Variants in TAFA1 observed in about 807,000 individuals in gnomAD.
TAFA1 encodes chemokine-like protein TAFA-1.
TAFA1 carries 4 observed loss-of-function variants against 18.5 expected under a neutral mutation model. The observed-to-expected ratio is 0.22, with a 90% CI of 0.11 to 0.49. The LOEUF (loss-of-function observed/expected upper bound fraction) is 0.49. TAFA1 is among the 20% of genes least tolerant of loss of function. The pLI is 0.98. For synonymous variants in TAFA1, 56 were observed against 55.2 expected (o/e 1.01, Z -0.06); for missense variants, 147 against 169.0 (o/e 0.87, Z 0.72).
intron 3 of TAFA1, among the ~76,000 whole-genome samples, chr3:68,459,220 T>C (rs1166620804): frequency 1.3e-5 from 2 of 152,176 alleles, no homozygotes; most frequent in Non-Finnish European, 2.9e-5. Flanking sequence ...GAGTGTCTTG[T>C]CCTGAGAGGG....
rs115678855 is a variant in TAFA1, at chr3:68,481,603, C to G, written c.260-57153C>G. ...CAGCTTGCTTAACATTACTGAAACT[C>G]TTTCTTTATCTCTAAAATTAGACTA... On this transcript the variant is annotated intron_variant, in intron 3 of 4. Coordinates refer to ENST00000478136, the MANE Select transcript of TAFA1 (RefSeq NM_213609.4). Among the ~76,000 whole-genome samples, 718 of 152,278 alleles carry G rather than the reference C, an allele frequency of 4.7e-3. 6 individuals carry two copies. The highest frequency in any genetic ancestry group is 0.016 in the African/African-American group (684 of 41,556).
intron 2 of TAFA1, among the ~76,000 whole-genome samples, chr3:68,208,984 G>A (rs965074114): frequency 1.1e-4 from 16 of 151,974 alleles, no homozygotes; most frequent in African/African-American, 2.9e-4. Flanking sequence ...TTGCCTTGGA[G>A]GAACAACTGC....
rs140000777 is a variant in TAFA1, at chr3:68,355,390, A to T, written c.119-61890A>T. Among the ~76,000 whole-genome samples, 6 of 152,116 alleles carry T rather than the reference A, an allele frequency of 3.9e-5. No homozygotes were observed. The East Asian group carries it at 1.2e-3, about 29-fold the overall frequency. ...GCATGTGACTTCTGTTCAGTCACTT[A>T]ACCTCCCTTTACCTCAGTTCCCTTT... On this transcript the variant is annotated intron_variant, in intron 2 of 4. Transcript: ENST00000478136.
chr3:68,460,832 T>A (rs187847454), intron 3 of TAFA1, among the ~76,000 whole-genome samples: 12 of 152,326 alleles, frequency 7.9e-5, no homozygotes, highest in African/African-American at 2.4e-4. Flanking sequence ...AGTCTGGGGA[T>A]CACACATAGG....
chr3:68,037,261 C>T (rs1376903844), intron 2 of TAFA1, among the ~76,000 whole-genome samples: 1 of 152,126 alleles, frequency 6.6e-6, no homozygotes, highest in African/African-American at 2.4e-5. Flanking sequence ...GAGTGCAGAA[C>T]TGCAGGTGGG....
At chr3:68,145,461 G>A (rs2065727373) in intron 2 of TAFA1, 8 of 875,758 alleles carry the variant, frequency 9.1e-6, no homozygotes, top group Non-Finnish European at 7.9e-6. Context: ...GAACAAGGAT[G>A]GCAAGTTGAT....
intron 2 of TAFA1, among the ~76,000 whole-genome samples, chr3:68,070,623 T>A (rs2064742367): frequency 6.6e-6 from 1 of 152,244 alleles, no homozygotes; most frequent in Non-Finnish European, 1.5e-5. Context: ...TCTTTTCTAT[T>A]GCATTGTCAG....
chr3:68,142,940 T>C (rs903488790), intron 2 of TAFA1, among the ~76,000 whole-genome samples: 3 of 151,768 alleles, frequency 2.0e-5, no homozygotes, highest in Admixed American at 2.0e-4. Flanking sequence ...GTACAAAATC[T>C]TCATATATAT....
At chr3:68,369,538 C>T (rs1242357598) in intron 2 of TAFA1, among the ~76,000 whole-genome samples, 1 of 152,188 alleles carries the variant, frequency 6.6e-6, no homozygotes, top group Non-Finnish European at 1.5e-5. Flanking sequence ...TCAACCCTGT[C>T]ACCCCATTGG....
At chr3:68,274,071 C>G (rs2067736989) in intron 2 of TAFA1, among the ~76,000 whole-genome samples, 1 of 152,150 alleles carries the variant, frequency 6.6e-6, no homozygotes, top group Admixed American at 6.5e-5. Context: ...GAGTGCAAGT[C>G]TTATTAAGAA....
At chr3:68,221,394 G>C (rs1173222768) in intron 2 of TAFA1, among the ~76,000 whole-genome samples, 1 of 152,158 alleles carries the variant, frequency 6.6e-6, no homozygotes, top group Non-Finnish European at 1.5e-5. Context: ...ACTCTGATAA[G>C]AGAGTAGATT....
intron 2 of TAFA1, among the ~76,000 whole-genome samples, chr3:68,220,898 C>A (rs544431806): frequency 6.6e-6 from 1 of 152,116 alleles, no homozygotes; most frequent in Non-Finnish European, 1.5e-5. Context: ...CAGATTGTCC[C>A]CACTGGCACC....
intron 3 of TAFA1, among the ~76,000 whole-genome samples, chr3:68,421,316 T>C (rs1021871877): frequency 3.9e-5 from 6 of 152,174 alleles, no homozygotes; most frequent in Non-Finnish European, 8.8e-5. Context: ...TATTCTCATG[T>C]TGATTATTTA....
At chr3:68,079,308 T>A (rs1420270623) in intron 2 of TAFA1, among the ~76,000 whole-genome samples, 1 of 152,140 alleles carries the variant, frequency 6.6e-6, no homozygotes, top group Non-Finnish European at 1.5e-5. Context: ...GTGTCTCTAT[T>A]TCCTTCAGTT....
intron 2 of TAFA1, among the ~76,000 whole-genome samples, chr3:68,365,613 C>T (rs1458975294): frequency 6.6e-6 from 1 of 152,134 alleles, no homozygotes; most frequent in African/African-American, 2.4e-5. Flanking sequence ...AGTCCATTTT[C>T]ATGCTGCTGA....
intron 4 of TAFA1, among the ~76,000 whole-genome samples, chr3:68,543,318 C>A (rs2073407408): frequency 1.3e-5 from 2 of 152,088 alleles, no homozygotes; most frequent in Non-Finnish European, 2.9e-5. Context: ...GAAAATCAGT[C>A]ACTGGAAAAG....
intron 2 of TAFA1, among the ~76,000 whole-genome samples, chr3:68,023,546 G>A (rs1302664181): frequency 6.6e-6 from 1 of 152,098 alleles, no homozygotes; most frequent in African/African-American, 2.4e-5. Context: ...CAGCATTCAT[G>A]ATATGGCCAC....
Position 68,394,822 on chromosome 3 carries a change from G to A in TAFA1, c.119-22458G>A, listed in dbSNP as rs540584771. ...CTCAAGGTAGATTAAAGATTTAGAT[G>A]TAAGTCCTAAAACCATAAAAACTCT... On this transcript the variant is annotated intron_variant, in intron 2 of 4. Coordinates refer to ENST00000478136, the MANE Select transcript of TAFA1 (RefSeq NM_213609.4). 3.5e-4 allele frequency among the ~76,000 whole-genome samples: 54 copies of A among 152,246 alleles called. No homozygotes were observed. The East Asian group carries it at 6.0e-3, about 17-fold the overall frequency.
At chr3:68,164,445 C>A (rs6781199) in intron 2 of TAFA1, among the ~76,000 whole-genome samples, 131,335 of 152,180 alleles carry the variant, frequency 0.86, 58,212 homozygotes, top group South Asian at 0.96. Flanking sequence ...TCCTTTTTGT[C>A]CCCCTTGGGT....
Sources: gnomAD v4.1 joint callset for allele counts (sites outside exome capture counted in the v4.1 genomes callset) on GRCh38, gnomAD v4.1.1 for gene constraint, MANE v1.5 for transcripts, NCBI Gene and HGNC (gene_info 2026-07-23, HGNC 2026-07-21) for gene names.